The following FER variants were observed in gnomAD, a reference collection of about 807,000 sequenced individuals.
FER encodes FER tyrosine kinase.
Under a neutral mutation model 111.0 loss-of-function variants are expected in FER, and 63 were observed. The observed-to-expected ratio is 0.57, with a 90% CI of 0.46 to 0.70. The LOEUF (loss-of-function observed/expected upper bound fraction) is 0.70, where lower values mean the gene tolerates loss of function less well. FER is among the 30% of genes least tolerant of loss of function. The pLI is 0.00. For missense variants in FER, 914 were observed against 954.0 expected (o/e 0.96, Z 0.55); for synonymous variants, 327 against 313.9 (o/e 1.04, Z -0.44).
At chr5:109,092,303 A>C (rs1209556267) in intron 16 of FER, among the ~76,000 whole-genome samples, 1 of 147,352 alleles carries the variant, frequency 6.8e-6, no homozygotes, top group Admixed American at 6.7e-5. Context: ...AAAAAAAAAA[A>C]AAAAAAAACA....
At chr5:108,845,047 T>TATATATATGTATATATATATATATATAC (rs1761862400) in intron 5 of FER, among the ~76,000 whole-genome samples, 3 of 44,858 alleles carry the variant, frequency 6.7e-5, no homozygotes, top group Non-Finnish European at 1.2e-4. Context: ...TATACATATA[T>TATATATATGTATATATATATATATATAC]ATATATATAT....
intron 1 of FER, among the ~76,000 whole-genome samples, chr5:108,752,714 A>G (rs953016853): frequency 1.3e-5 from 2 of 152,074 alleles, no homozygotes; most frequent in African/African-American, 4.8e-5. Flanking sequence ...TTTTCAAGAA[A>G]TAGTTCAGAT....
At position 108,882,464 on chromosome 5, in the gene FER, A is replaced by G. The variant is rs201682571; in HGVS notation, c.924-932A>G. Among the ~76,000 whole-genome samples the G allele has an allele frequency of 2.2e-4, 33 of 152,032 alleles. No individual in the cohort carries two copies. In the East Asian group the frequency reaches 5.8e-3, roughly 27 times the overall value. On this transcript the variant is annotated intron_variant, in intron 8 of 19. Transcript: ENST00000281092. ...CCGTTGTGTTAAGCATATGAACTTCATATGCTTATTGATCATTTAATTTTT... is the reference window on the plus strand; with the variant it reads ...CCGTTGTGTTAAGCATATGAACTTCGTATGCTTATTGATCATTTAATTTTT...
chr5:108,840,059 T>C (rs917247045), intron 5 of FER, among the ~76,000 whole-genome samples: 4 of 152,194 alleles, frequency 2.6e-5, no homozygotes, highest in African/African-American at 9.6e-5. Context: ...ACAGTGAATA[T>C]GCATACTGGA....
intron 14 of FER, 106 bp from the exon 15 acceptor site, chr5:109,044,574 T>C (rs780164948): frequency 1.6e-4 from 92 of 577,328 alleles, no homozygotes; most frequent in Admixed American, 1.5e-4. Context: ...CTGGTGATAT[T>C]GACATGTAGG....
intron 17 of FER, among the ~76,000 whole-genome samples, chr5:109,171,061 T>A (rs1411725633): frequency 6.6e-6 from 1 of 152,230 alleles, no homozygotes; most frequent in Non-Finnish European, 1.5e-5. Context: ...TATATCTATC[T>A]ATGTGCACTA....
At chr5:108,896,376 C>T (rs62360827) in intron 9 of FER, among the ~76,000 whole-genome samples, 33,866 of 151,872 alleles carry the variant, frequency 0.22, 3,943 homozygotes, top group African/African-American at 0.27. Flanking sequence ...ATAAATAAAC[C>T]AGCATGAACT....
At chr5:109,055,554 A>T (rs1438094649) in intron 16 of FER, among the ~76,000 whole-genome samples, 1 of 152,090 alleles carries the variant, frequency 6.6e-6, no homozygotes, top group Non-Finnish European at 1.5e-5. Context: ...TGGGAGGCTG[A>T]GGCAGGAGGA....
intron 13 of FER, among the ~76,000 whole-genome samples, chr5:108,960,643 A>G (rs769200428): frequency 2.6e-5 from 4 of 152,084 alleles, no homozygotes; most frequent in Non-Finnish European, 4.4e-5. Flanking sequence ...AGTCAAAGCA[A>G]TCTATTCTCA....
intron 17 of FER, among the ~76,000 whole-genome samples, chr5:109,170,708 A>G (rs1757013195): frequency 6.6e-6 from 1 of 152,176 alleles, no homozygotes; most frequent in Admixed American, 6.6e-5. Context: ...AGCAAAGGCA[A>G]GCTAGAGGAT....
intron 10 of FER, among the ~76,000 whole-genome samples, chr5:108,932,885 T>G (rs1754897502): frequency 2.0e-5 from 3 of 151,900 alleles, no homozygotes; most frequent in Non-Finnish European, 4.4e-5. Flanking sequence ...GGGTTGTTTG[T>G]TTTTTTCTTG....
chr5:109,048,812 T>C (rs1772344422), intron 16 of FER, among the ~76,000 whole-genome samples: 1 of 146,016 alleles, frequency 6.8e-6, no homozygotes, highest in African/African-American at 2.5e-5. Context: ...TGAAACAAAT[T>C]ATACTCCACC....
chr5:108,794,004 T>C (rs1755701043), intron 2 of FER, among the ~76,000 whole-genome samples: 1 of 152,162 alleles, frequency 6.6e-6, no homozygotes, highest in African/African-American at 2.4e-5. Context: ...AAGTTGTAGT[T>C]ATTATTTTTG....
chr5:109,128,250 A>G (rs1751970304), intron 17 of FER, among the ~76,000 whole-genome samples: 1 of 151,868 alleles, frequency 6.6e-6, no homozygotes, highest in Non-Finnish European at 1.5e-5. Flanking sequence ...TTAATGAGAG[A>G]CATACTGAGA....
chr5:109,069,737 C>G (rs17534522), intron 16 of FER, among the ~76,000 whole-genome samples: 16,660 of 152,080 alleles, frequency 0.11, 929 homozygotes, highest in Non-Finnish European at 0.13. Context: ...TGTCCTATTT[C>G]CAATCCATCA....
intron 16 of FER, among the ~76,000 whole-genome samples, chr5:109,047,791 G>A (rs1001111119): frequency 4.0e-5 from 6 of 151,218 alleles, no homozygotes; most frequent in East Asian, 1.9e-4. Flanking sequence ...AATCACTTTC[G>A]AATTATGAAC....
chr5:108,920,355 C>T (rs1340116322), intron 10 of FER, among the ~76,000 whole-genome samples: 1 of 152,072 alleles, frequency 6.6e-6, no homozygotes, highest in African/African-American at 2.4e-5. Context: ...TGGTGTCATA[C>T]ATAAGGTATG....
At position 109,188,230 on chromosome 5, in the gene FER, C is replaced by A. The variant is rs1211332683; in HGVS notation, c.*655C>A. ...CACGTAGGTCGGGCACGGTGGCTCA[C>A]GCCTGTAATCCCAGGCATGTAATCT... On this transcript the variant is annotated 3_prime_UTR_variant, in exon 20 of 20. Transcript: ENST00000281092. 1 of 145,680 alleles carries A rather than the reference C, an allele frequency of 6.9e-6. No individual in the cohort carries two copies. The highest frequency in any genetic ancestry group is 6.8e-5 in the Admixed American group (1 of 14,702). 9.0% of individuals were successfully genotyped at this position (145,680 alleles called of 1,614,324 possible).
intron 3 of FER, among the ~76,000 whole-genome samples, chr5:108,815,886 C>T (rs1400862285): frequency 6.6e-6 from 1 of 152,062 alleles, no homozygotes; most frequent in Non-Finnish European, 1.5e-5. Context: ...AATTTTTAAG[C>T]CTGGCTATAG....
Sources: gnomAD v4.1 joint callset for allele counts (sites outside exome capture counted in the v4.1 genomes callset) on GRCh38, gnomAD v4.1.1 for gene constraint, MANE v1.5 for transcripts, NCBI Gene and HGNC (gene_info 2026-07-23, HGNC 2026-07-21) for gene names.